Variants in SREK1IP1 observed in about 807,000 individuals in gnomAD.
SREK1IP1 encodes SREK1 interacting protein 1.
A neutral mutation model predicts 22.8 loss-of-function variants in SREK1IP1; 12 were observed. The observed-to-expected ratio is 0.53, with a 90% confidence interval of 0.34 to 0.85. The LOEUF (loss-of-function observed/expected upper bound fraction) is 0.85. SREK1IP1 is among the 40% of genes least tolerant of loss of function. The pLI, the probability that SREK1IP1 is intolerant of heterozygous loss-of-function variation, is 0.02. For synonymous variants in SREK1IP1, 53 were observed against 52.7 expected (o/e 1.01, Z -0.02); for missense variants, 147 against 171.8 (o/e 0.86, Z 0.81).
At chr5:64,767,915 A>C (rs910386804) in intron 1 of SREK1IP1, among the ~76,000 whole-genome samples, 21 of 152,314 alleles carry the variant, frequency 1.4e-4, no homozygotes, top group African/African-American at 4.8e-4. Context: ...CACCGTTTTT[A>C]GGTCAGTAAC....
Position 64,747,919 on chromosome 5 carries a change from C to T in SREK1IP1, c.61+6396G>A, listed in dbSNP as rs555687800. Among the ~76,000 whole-genome samples, 10 of 150,086 alleles carry T rather than the reference C, an allele frequency of 6.7e-5. No individual in the cohort carries two copies. In the East Asian group the frequency reaches 1.6e-3, roughly 24 times the overall value. On this transcript the variant is annotated intron_variant, in intron 2 of 4. Transcript: ENST00000513458. ...CTGCACTCCAGCCTGGGTGACAGAG[C>T]GAGACTCCACCTCAAAAAAAAAGAA...
At chr5:64,734,564 T>G (rs1742427465) in intron 3 of SREK1IP1, among the ~76,000 whole-genome samples, 1 of 151,998 alleles carries the variant, frequency 6.6e-6, no homozygotes, top group Admixed American at 6.6e-5. Flanking sequence ...TCAATGAATA[T>G]AGCGTATCTT....
At chr5:64,728,021 AC>A (rs1374522629) in intron 4 of SREK1IP1, 85 bp downstream of exon 4, 1 of 1,049,756 alleles carries the variant, frequency 9.5e-7, no homozygotes, top group African/African-American at 1.8e-5. Context: ...TATTAAATTA[AC>A]TATTATACAC....
chr5:64,768,431 C>T, intron 1 of SREK1IP1, 74 bp downstream of exon 1: 1 of 1,601,696 alleles, frequency 6.2e-7, no homozygotes, highest in Non-Finnish European at 8.6e-7. Context: ...GCTCCGTACA[C>T]GCCGCACCCT....
chr5:64,768,307 G>C (rs1743096257), intron 1 of SREK1IP1, among the ~76,000 whole-genome samples, 198 bp downstream of exon 1: 1 of 152,164 alleles, frequency 6.6e-6, no homozygotes, highest in South Asian at 2.1e-4. Context: ...GGCTCCTGGG[G>C]GGAAGATAGT....
intron 1 of SREK1IP1, 194 bp from the exon 2 acceptor site, chr5:64,754,556 C>T (rs1742804797): frequency 2.0e-6 from 1 of 502,734 alleles, no homozygotes; most frequent in African/African-American, 1.9e-5. Context: ...CCTCCAGCTC[C>T]TGGCTCAGGC....
chr5:64,739,263 T>G (rs1742514839), intron 3 of SREK1IP1, among the ~76,000 whole-genome samples: 1 of 152,154 alleles, frequency 6.6e-6, no homozygotes, highest in African/African-American at 2.4e-5. Flanking sequence ...TGAAGAAAGT[T>G]CTCAGCCTTT....
intron 1 of SREK1IP1, among the ~76,000 whole-genome samples, chr5:64,765,586 A>T (rs147965706): frequency 6.6e-6 from 1 of 152,280 alleles, no homozygotes; most frequent in East Asian, 1.9e-4. Flanking sequence ...TGACACTTGC[A>T]TTGTACTTTT....
chr5:64,731,521 C>CAAAAAAAAAAAAAAAAAAA (rs10599290), intron 3 of SREK1IP1, among the ~76,000 whole-genome samples: 4 of 74,626 alleles, frequency 5.4e-5, no homozygotes, highest in African/African-American at 1.6e-4. Context: ...GCCCTTGTCT[C>CAAAAAAAAAAAAAAAAAAA]AAAAAAAAAA....
chr5:64,741,838 C>A (rs1483953251), intron 2 of SREK1IP1, among the ~76,000 whole-genome samples: 1 of 151,962 alleles, frequency 6.6e-6, no homozygotes, highest in Non-Finnish European at 1.5e-5. Flanking sequence ...ATAACCAATA[C>A]CTAAATACCT....
chr5:64,753,884 G>A lies in SREK1IP1; in HGVS notation c.61+431C>T, dbSNP rs187056002. Among the ~76,000 whole-genome samples the A allele has an allele frequency of 2.6e-4, 39 of 151,930 alleles. 1 individual carries two copies. Among genetic ancestry groups the A allele is most frequent in the East Asian group, 1.7e-3 (9 of 5,170 alleles). On this transcript the variant is annotated intron_variant, in intron 2 of 4. Coordinates refer to ENST00000513458, the MANE Select transcript of SREK1IP1 (RefSeq NM_173829.4). Reference sequence around the variant, plus strand: ...TAATAATTGTTTAAATCAAGTTTTCGCCCATGAGCAGAAATTCTGAGACCA... The same window carrying A: ...TAATAATTGTTTAAATCAAGTTTTCACCCATGAGCAGAAATTCTGAGACCA...
Position 64,757,861 on chromosome 5 carries a change from CTTTTTTTTTTT to C in SREK1IP1, c.14-3510_14-3500del, listed in dbSNP as rs59456636. On this transcript the variant is annotated intron_variant, in intron 1 of 4. Coordinates refer to ENST00000513458, the MANE Select transcript of SREK1IP1 (RefSeq NM_173829.4). ...GCTACTGTTTCTATTAGGTTCCTAT[CTTTTTTTTTTT>C]TTTTTTTTTTTTTTTGAGACGGAGT... Among the ~76,000 whole-genome samples, 31 of 72,962 alleles carry C rather than the reference CTTTTTTTTTTT, an allele frequency of 4.2e-4. No individual in the cohort carries two copies. The East Asian group carries it at 9.7e-3, about 23-fold the overall frequency. 47.9% of individuals were successfully genotyped at this position (72,962 alleles called of 152,430 possible). A position where few individuals can be genotyped will look rare whatever the true frequency, so the allele number is the denominator to read the frequency against.
intron 1 of SREK1IP1, among the ~76,000 whole-genome samples, chr5:64,764,506 G>C (rs964142757): frequency 6.6e-6 from 1 of 152,218 alleles, no homozygotes; most frequent in African/African-American, 2.4e-5. Context: ...TAGAATGCAT[G>C]AGGGGAGTGG....
chr5:64,740,992 A>G, intron 3 of SREK1IP1, 65 bp downstream of exon 3: 1 of 1,413,294 alleles, frequency 7.1e-7, no homozygotes, highest in Non-Finnish European at 9.9e-7. Flanking sequence ...TATAATGGAA[A>G]GCATGATATA....
At chr5:64,759,182 T>A (rs1440525491) in intron 1 of SREK1IP1, among the ~76,000 whole-genome samples, 1 of 152,194 alleles carries the variant, frequency 6.6e-6, no homozygotes, top group African/African-American at 2.4e-5. Flanking sequence ...TTCTGACCCT[T>A]ATTATGCAGG....
chr5:64,736,460 T>C (rs1318243086), intron 3 of SREK1IP1, among the ~76,000 whole-genome samples: 3 of 150,580 alleles, frequency 2.0e-5, no homozygotes, highest in Non-Finnish European at 4.4e-5. Context: ...CATAAACACT[T>C]AGAATTTTTT....
intron 2 of SREK1IP1, among the ~76,000 whole-genome samples, chr5:64,748,334 G>C (rs1032975454): frequency 6.6e-6 from 1 of 151,794 alleles, no homozygotes; most frequent in African/African-American, 2.4e-5. Context: ...GGGGAAAGGA[G>C]GGAGTGGAGA....
chr5:64,738,200 C>G (rs1387011256), intron 3 of SREK1IP1, among the ~76,000 whole-genome samples: 3 of 152,112 alleles, frequency 2.0e-5, no homozygotes, highest in Non-Finnish European at 2.9e-5. Flanking sequence ...CCAAACTTAG[C>G]AGCACATTAA....
chr5:64,748,187 C>T (rs1176821442), intron 2 of SREK1IP1, among the ~76,000 whole-genome samples: 1 of 152,164 alleles, frequency 6.6e-6, no homozygotes, highest in Non-Finnish European at 1.5e-5. Context: ...TGTTATAATA[C>T]ATGCTACAAC....
Sources: allele counts gnomAD v4.1 joint callset (sites outside exome capture counted in the v4.1 genomes callset), GRCh38; gene constraint gnomAD v4.1.1; transcripts MANE v1.5; gene names NCBI Gene and HGNC (gene_info 2026-07-23, HGNC 2026-07-21).